The following VPS11 variants were observed in gnomAD, a reference collection of about 807,000 sequenced individuals.
The protein encoded by VPS11 is VPS11 core subunit of CORVET and HOPS complexes.
VPS11 carries 51 observed loss-of-function variants against 106.8 expected under a neutral mutation model. That is an observed-to-expected ratio of 0.48 (90% CI 0.38 to 0.60). The LOEUF is 0.60. Among genes scored for constraint, VPS11 ranks in the 20% least tolerant of loss-of-function variants. The pLI, the probability that VPS11 is intolerant of heterozygous loss-of-function variation, is 0.00. For missense variants in VPS11, 950 were observed against 1,190.0 expected (o/e 0.80, Z 2.97); for synonymous variants, 453 against 458.7 (o/e 0.99, Z 0.16).
chr11:119,081,466 G>A lies in VPS11; in HGVS notation c.2669G>A (p.Cys890Tyr). ...LHDQFQHQLK[C>Y]SNDSFSVIAD... is the part of the protein sequence containing the mutation. ...CCTCCTCTTCTCCTGCAGCTCAAGTGCTCCAATGACAGCTTTTCTGTGATT... is the reference window on the plus strand; with the variant it reads ...CCTCCTCTTCTCCTGCAGCTCAAGTACTCCAATGACAGCTTTTCTGTGATT... The change falls in exon 16 of 16, where the codon TGC becomes TAC. Residue 890 changes from cysteine (C) to tyrosine (Y), a missense_variant. Physicochemically the swap from Cys to Tyr is radical, Grantham distance 194. Coordinates refer to ENST00000621676, the MANE Select transcript of VPS11 (RefSeq NM_021729.6). 2 of 1,613,924 alleles carry A rather than the reference G, an allele frequency of 1.2e-6. No individual in the cohort carries two copies. Among genetic ancestry groups the A allele is most frequent in the Non-Finnish European group, 1.7e-6 (2 of 1,179,888 alleles).
In VPS11 at chr11:119,078,573, G is replaced by A; in HGVS notation, c.1932G>A (p.Glu644=). The A allele has an allele frequency of 1.2e-6, 2 of 1,608,986 alleles. No homozygotes were observed. Among genetic ancestry groups the A allele is most frequent in the Non-Finnish European group, 1.7e-6 (2 of 1,175,818 alleles). The change falls in exon 12 of 16, where the codon GAG becomes GAA. Residue 644 remains glutamate (E), a synonymous_variant. Coordinates refer to ENST00000621676, the MANE Select transcript of VPS11 (RefSeq NM_021729.6). ...WAHEKDPQVK[E]KLHAEAISLL... ...CCCTCCTTCCTCTCCAGGTCAAAGA[G>A]AAGCTTCACGCAGAGGCCATTTCCC...
chr11:119,074,826 C>A (rs1945541318), intron 7 of VPS11, among the ~76,000 whole-genome samples: 1 of 152,178 alleles, frequency 6.6e-6, no homozygotes, highest in Admixed American at 6.5e-5. Context: ...ATGATTACCT[C>A]TCATTTTAAC....
intron 5 of VPS11, chr11:119,072,123 G>A (rs920966146): frequency 1.5e-5 from 5 of 326,380 alleles, no homozygotes; most frequent in Admixed American, 4.1e-5. Context: ...GTGCCACCAC[G>A]CCTGGCTACT....
chr11:119,081,571 T>G lies in VPS11; in HGVS notation c.2774T>G (p.Leu925Arg). 6.2e-7 allele frequency: 1 copy of G among 1,613,946 alleles called. No individual in the cohort carries two copies. The highest frequency in any genetic ancestry group is 8.5e-7 in the Non-Finnish European group (1 of 1,179,882). ...DPPTARLTSS[L>R]EAGLQRDLLM... ...CCCACAGCCAGACTGACCTCCAGCC[T>G]GGAGGCTGGGCTGCAACGCGACCTA... The change falls in exon 16 of 16, where the codon CTG (leucine) becomes CGG (arginine). Residue 925 changes from leucine to arginine, a missense_variant. Physicochemically the swap from Leu to Arg is moderately radical, Grantham distance 102 (BLOSUM62 -2). This residue lies in a region of VPS11 where 453 missense variants were observed against 514.6 expected (regional missense o/e 0.88). Transcript: ENST00000621676.
In VPS11 at chr11:119,071,612, GA is replaced by G; in HGVS notation, c.657del (p.Asp220ThrfsTer19). ...TENVQSYIVS[G>X]KDYPRVELDT... Reference sequence around the variant, plus strand: ...TTCTGGCAGTCCTATATAGTTTCTGGAAAAGACTACCCTCGCGTGGAGTTGG... The same window carrying G: ...TTCTGGCAGTCCTATATAGTTTCTGGAAAGACTACCCTCGCGTGGAGTTGG... On this transcript the variant is annotated frameshift_variant, in exon 5 of 16. Coordinates refer to ENST00000621676, the MANE Select transcript of VPS11 (RefSeq NM_021729.6). LOFTEE classifies it high-confidence loss of function. The G allele has an allele frequency of 1.9e-6, 3 of 1,613,974 alleles. No homozygotes were observed. The highest frequency in any genetic ancestry group is 2.5e-6 in the Non-Finnish European group (3 of 1,179,896).
At chr11:119,081,430 C>G in intron 15 of VPS11, 29 bp from the exon 16 acceptor site, 3 of 1,613,432 alleles carry the variant, frequency 1.9e-6, no homozygotes, top group African/African-American at 1.3e-5. Context: ...GATTCTGATT[C>G]GTATTCCTTC....
chr11:119,069,456 C>T lies in VPS11; in HGVS notation c.351C>T (p.Asn117=), dbSNP rs782817129. The change falls in exon 3 of 16, where the codon AAC becomes AAT. Residue 117 remains asparagine (N), a synonymous_variant. Transcript: ENST00000621676. ...EGINPLVKIW[N]LEKRDGGNPL... Reference sequence around the variant, plus strand: ...TCTGTCCACAGGTTAAGATCTGGAACCTGGAGAAGAGAGATGGTGGCAATC... The same window carrying T: ...TCTGTCCACAGGTTAAGATCTGGAATCTGGAGAAGAGAGATGGTGGCAATC... The T allele has an allele frequency of 9.9e-6, 16 of 1,613,892 alleles. No individual in the cohort carries two copies. In the Admixed American group the frequency reaches 2.5e-4, roughly 25 times the overall value.
intron 1 of VPS11, chr11:119,068,224 G>A: frequency 2.1e-6 from 1 of 469,024 alleles, no homozygotes; most frequent in Non-Finnish European, 3.6e-6. Context: ...AACCTCTCTG[G>A]GTTTTAATTT....
intron 7 of VPS11, among the ~76,000 whole-genome samples, chr11:119,074,843 C>A (rs1234036448): frequency 6.6e-6 from 1 of 152,190 alleles, no homozygotes; most frequent in African/African-American, 2.4e-5. Flanking sequence ...TAACCTTTAG[C>A]TTGGCCTTTG....
rs1438632771 is a variant in VPS11, at chr11:119,068,551, A to G, written c.187+541A>G. Among the ~76,000 whole-genome samples, 161 of 143,166 alleles carry G rather than the reference A, an allele frequency of 1.1e-3. 1 individual carries two copies. The highest frequency in any genetic ancestry group is 1.6e-4 in the Non-Finnish European group (11 of 66,916). The allele number at this position is 143,166 out of a possible 152,430, so 93.9% of individuals were successfully genotyped here. On this transcript the variant is annotated intron_variant, in intron 1 of 15. Transcript: ENST00000621676. Reference sequence around the variant, plus strand: ...TGTAACCGTCTCTTGAGTTCAAGCGATTCTCCTGCCACAGCCTCCCGAGTA... The same window carrying G: ...TGTAACCGTCTCTTGAGTTCAAGCGGTTCTCCTGCCACAGCCTCCCGAGTA...
rs370582110 is a variant in VPS11 at position 119,070,219 on chromosome 11, C to A, written c.473-15C>A. 9.4e-6 allele frequency: 15 copies of A among 1,598,900 alleles called. No individual in the cohort carries two copies. The highest frequency in any genetic ancestry group is 1.3e-5 in the African/African-American group (1 of 74,574). On this transcript the variant is annotated splice_polypyrimidine_tract_variant and intron_variant, in intron 3 of 15. Transcript: ENST00000621676. ...TTTTCAGCCTTACTGAAGTAATTTT[C>A]TTGTTTTCTTACAGGTTTCACAGAT...
rs782311153 is a variant in VPS11, at chr11:119,077,608, T to C, written c.1533T>C (p.His511=). 9 of 1,612,036 alleles carry C rather than the reference T, an allele frequency of 5.6e-6. No individual in the cohort carries two copies. The East Asian group carries it at 2.0e-4, about 36-fold the overall frequency. ...HALYLAENHA[H]HEWYLKIQLE... ...TGTATCTGGCGGAGAACCATGCACA[T>C]CATGAGTGGTACCTGAAGATCCAGC... The change falls in exon 9 of 16, where the codon CAT becomes CAC. Residue 511 remains histidine, a synonymous_variant. Coordinates refer to ENST00000621676, the MANE Select transcript of VPS11 (RefSeq NM_021729.6).
At position 119,070,309 on chromosome 11, in the gene VPS11, AC is replaced by A; in HGVS notation, c.549del (p.His183GlnfsTer7). On this transcript the variant is annotated frameshift_variant, in exon 4 of 16. Coordinates refer to ENST00000621676, the MANE Select transcript of VPS11 (RefSeq NM_021729.6). LOFTEE classifies it high-confidence loss of function. Reference protein sequence around the residue: ...RDRHSKTQILHKGNYPVTGLA... With the variant: ...RDRHSKTQILXKGNYPVTGLA... ...CGGCATAGCAAGACCCAGATTTTGC[AC>A]AAGGGCAACTATCCTGTAACTGGAT... The A allele has an allele frequency of 6.2e-7, 1 of 1,613,300 alleles. No individual in the cohort carries two copies. The highest frequency in any genetic ancestry group is 8.5e-7 in the Non-Finnish European group (1 of 1,179,528).
chr11:119,077,785 C>G (rs930919815), intron 9 of VPS11, 93 bp from the exon 10 acceptor site: 4 of 1,563,396 alleles, frequency 2.6e-6, no homozygotes, highest in South Asian at 2.4e-5. Flanking sequence ...GGGCAGAGCC[C>G]TGTCGTTTTT....
Position 119,071,884 on chromosome 11 carries a change from T to G in VPS11, c.884+41T>G, listed in dbSNP as rs369414047. 5.7e-6 allele frequency: 9 copies of G among 1,589,518 alleles called. No individual in the cohort carries two copies. In the African/African-American group the frequency reaches 9.4e-5, roughly 17 times the overall value. ...GAAGGGACAGGGAGAGGGCTGGACT[T>G]GTTCCCCAGAATCCGCCTGATTTTA... On this transcript the variant is annotated intron_variant, in intron 5 of 15. Coordinates refer to ENST00000621676, the MANE Select transcript of VPS11 (RefSeq NM_021729.6).
chr11:119,081,230 C>T lies in VPS11; in HGVS notation c.2577C>T (p.Thr859=). The T allele has an allele frequency of 1.9e-6, 3 of 1,614,060 alleles. No individual in the cohort carries two copies. The highest frequency in any genetic ancestry group is 2.5e-6 in the Non-Finnish European group (3 of 1,179,910). Reference sequence around the variant, plus strand: ...CGGAAAGTGATGCTGACTGCCCCACCTGCCTCCCTGAAAACCGGAAGGTCA... The same window carrying T: ...CGGAAAGTGATGCTGACTGCCCCACTTGCCTCCCTGAAAACCGGAAGGTCA... ...SYSESDADCP[T]CLPENRKVMD... is the part of the protein sequence containing the mutation. Residue 859 remains threonine, a synonymous_variant, in exon 15 of 16, where the codon ACC becomes ACT. Coordinates refer to ENST00000621676, the MANE Select transcript of VPS11 (RefSeq NM_021729.6).
Position 119,077,927 on chromosome 11 carries a change from C to T in VPS11, c.1622C>T (p.Ala541Val), listed in dbSNP as rs1350872570. 1 of 1,614,034 alleles carries T rather than the reference C, an allele frequency of 6.2e-7. No homozygotes were observed. Among genetic ancestry groups the T allele is most frequent in the East Asian group, 2.2e-5 (1 of 44,888 alleles). ...ATCGGCAAGCTGCCTTTTGAGCAGG[C>T]AGAGAGCAACATGAAGCGCTACGGC... is the stretch of plus-strand genomic sequence containing the variant. ...RYIGKLPFEQ[A>V]ESNMKRYGKI... Residue 541 changes from alanine (A) to valine (V), a missense_variant, in exon 10 of 16, where the codon GCA becomes GTA. This residue lies in a region of VPS11 where 453 missense variants were observed against 514.6 expected (regional missense o/e 0.88). Coordinates refer to ENST00000621676, the MANE Select transcript of VPS11 (RefSeq NM_021729.6).
rs781911215 is a variant in VPS11, at chr11:119,081,252, G to C, written c.2599G>C (p.Val867Leu). 15 of 1,613,976 alleles carry C rather than the reference G, an allele frequency of 9.3e-6. No homozygotes were observed. Among genetic ancestry groups the C allele is most frequent in the Non-Finnish European group, 1.3e-5 (15 of 1,179,890 alleles). Residue 867 changes from valine (V) to leucine (L), a missense_variant, in exon 15 of 16, where the codon GTC becomes CTC. This residue lies in a region of VPS11 where 453 missense variants were observed against 514.6 expected (regional missense o/e 0.88). Transcript: ENST00000621676. ...CPTCLPENRK[V>L]MDMIRAQEQK... is the part of the protein sequence containing the mutation. ...CACCTGCCTCCCTGAAAACCGGAAG[G>C]TCATGGATATGATCCGGGCCCAGGA...
At position 119,081,113 on chromosome 11, in the gene VPS11, C is replaced by CAAGTGCA. The variant is rs1945831913; in HGVS notation, c.2461_2467dup (p.Ser823LysfsTer6). ...GTAGTCCTAAGATTTTCCAAAAGAC[C>CAAGTGCA]AAGTGCAGCATCTGTAACAGTGCCT... On this transcript the variant is annotated frameshift_variant, in exon 15 of 16. Coordinates refer to ENST00000621676, the MANE Select transcript of VPS11 (RefSeq NM_021729.6). LOFTEE classifies it high-confidence loss of function. 1 of 1,613,954 alleles carries CAAGTGCA rather than the reference C, an allele frequency of 6.2e-7. No individual in the cohort carries two copies. The highest frequency in any genetic ancestry group is 8.5e-7 in the Non-Finnish European group (1 of 1,179,860).
Sources: allele counts gnomAD v4.1 joint callset (sites outside exome capture counted in the v4.1 genomes callset), GRCh38; gene constraint gnomAD v4.1.1; regional missense constraint gnomAD v4.1.1; transcripts MANE v1.5; gene names NCBI Gene and HGNC (gene_info 2026-07-23, HGNC 2026-07-21).